CHRM3: variants seen among roughly 807,000 people sequenced by gnomAD.
The protein encoded by CHRM3 is muscarinic acetylcholine receptor M3.
Under a neutral mutation model 41.8 loss-of-function variants are expected in CHRM3, and 11 were observed. That is an observed-to-expected ratio of 0.26 (90% CI 0.17 to 0.44). The LOEUF (loss-of-function observed/expected upper bound fraction) is 0.44, where lower values mean the gene tolerates loss of function less well. CHRM3 is among the 20% of genes least tolerant of loss of function. The pLI, the probability that CHRM3 is intolerant of heterozygous loss-of-function variation, is 1.00. For missense variants in CHRM3, 571 were observed against 745.4 expected (o/e 0.77, Z 2.72); for synonymous variants, 297 against 301.4 (o/e 0.99, Z 0.15).
intron 4 of CHRM3, among the ~76,000 whole-genome samples, chr1:239,663,433 C>T (rs191758670): frequency 6.6e-6 from 1 of 152,268 alleles, no homozygotes; most frequent in East Asian, 1.9e-4. Flanking sequence ...TGAATGTTTC[C>T]TGTGACAACC....
At chr1:239,705,385 A>G (rs570205486) in intron 5 of CHRM3, 1 of 152,288 alleles carries the variant, frequency 6.6e-6, no homozygotes, top group East Asian at 1.9e-4. Context: ...TTGTTGCAAT[A>G]AAGTAGCAGA....
chr1:239,716,960 G>T (rs1056185087), intron 5 of CHRM3, among the ~76,000 whole-genome samples: 3 of 151,860 alleles, frequency 2.0e-5, no homozygotes, highest in Non-Finnish European at 4.4e-5. Flanking sequence ...ACTTGTTCCA[G>T]ATAATAGTTA....
intron 5 of CHRM3, among the ~76,000 whole-genome samples, chr1:239,738,512 T>C (rs779758903): frequency 3.9e-5 from 6 of 152,056 alleles, no homozygotes; most frequent in Non-Finnish European, 7.4e-5. Flanking sequence ...AATGGGAGAA[T>C]AGAACACATT....
intron 6 of CHRM3, among the ~76,000 whole-genome samples, chr1:239,844,444 C>A (rs77035455): frequency 6.6e-6 from 1 of 152,088 alleles, no homozygotes; most frequent in South Asian, 2.1e-4. Flanking sequence ...TGATAGCACA[C>A]CCCATCTCCA....
intron 4 of CHRM3, among the ~76,000 whole-genome samples, chr1:239,672,323 A>G (rs1175287413): frequency 2.0e-5 from 3 of 152,014 alleles, no homozygotes; most frequent in Non-Finnish European, 4.4e-5. Flanking sequence ...TCAGCAGGAG[A>G]CAAGACCTCA....
intron 6 of CHRM3, among the ~76,000 whole-genome samples, chr1:239,870,497 C>T (rs1042467202): frequency 7.2e-5 from 11 of 152,208 alleles, no homozygotes; most frequent in African/African-American, 2.7e-4. Flanking sequence ...GCAATCCAGA[C>T]ATCAAATGGA....
At chr1:239,896,610 C>G (rs145971812) in intron 6 of CHRM3, among the ~76,000 whole-genome samples, 3 of 152,268 alleles carry the variant, frequency 2.0e-5, no homozygotes, top group Non-Finnish European at 2.9e-5. Flanking sequence ...TCCTGAGAAA[C>G]ACAACTCTAC....
At chr1:239,662,893 C>CTCTTCTTCTTCT (rs67465048) in intron 4 of CHRM3, among the ~76,000 whole-genome samples, 781 of 46,392 alleles carry the variant, frequency 0.017, 35 homozygotes, top group African/African-American at 0.057. Flanking sequence ...CTTCCTCCTC[C>CTCTTCTTCTTCT]TCTTCTTCTT....
At chr1:239,635,425 T>C (rs2148890946) in intron 4 of CHRM3, among the ~76,000 whole-genome samples, 1 of 152,330 alleles carries the variant, frequency 6.6e-6, no homozygotes, top group Admixed American at 6.5e-5. Flanking sequence ...TCCCTGTCTT[T>C]ATTTATTGAA....
At chr1:239,749,163 G>A (rs747206275) in intron 5 of CHRM3, among the ~76,000 whole-genome samples, 11 of 152,178 alleles carry the variant, frequency 7.2e-5, no homozygotes, top group East Asian at 3.8e-4. Context: ...AAGACAAATC[G>A]TTATAGGTGG....
Position 239,894,652 on chromosome 1 carries a change from C to T in CHRM3, c.-19-12781C>T, listed in dbSNP as rs1178411396. Among the ~76,000 whole-genome samples the T allele has an allele frequency of 2.0e-5, 3 of 151,976 alleles. No individual in the cohort carries two copies. In the East Asian group the frequency reaches 5.8e-4, roughly 30 times the overall value. On this transcript the variant is annotated intron_variant, in intron 6 of 6. Coordinates refer to ENST00000676153, the MANE Select transcript of CHRM3 (RefSeq NM_001375978.1). ...TTCACCATGTTATCCAGGCTGGTCTCGAACTCATGCGCTCAAGTGATCAGC... is the reference window on the plus strand; with the variant it reads ...TTCACCATGTTATCCAGGCTGGTCTTGAACTCATGCGCTCAAGTGATCAGC...
At chr1:239,407,955 C>T (rs1660739899) in intron 1 of CHRM3, among the ~76,000 whole-genome samples, 1 of 152,118 alleles carries the variant, frequency 6.6e-6, no homozygotes, top group South Asian at 2.1e-4. Flanking sequence ...CAACTGAGTA[C>T]CTACAAGGTA....
intron 6 of CHRM3, among the ~76,000 whole-genome samples, chr1:239,898,823 A>G (rs10926008): frequency 0.43 from 65,155 of 151,968 alleles, 15,524 homozygotes; most frequent in African/African-American, 0.64. Flanking sequence ...TGTATTTCAC[A>G]CTGGATATTT....
chr1:239,689,705 A>G (rs948820915), intron 5 of CHRM3, among the ~76,000 whole-genome samples: 2 of 152,198 alleles, frequency 1.3e-5, no homozygotes, highest in African/African-American at 2.4e-5. Flanking sequence ...TTAGGCATTG[A>G]TGCTAACACA....
chr1:239,729,336 G>C (rs1663747678), intron 5 of CHRM3, among the ~76,000 whole-genome samples: 1 of 151,698 alleles, frequency 6.6e-6, no homozygotes, highest in African/African-American at 2.4e-5. Flanking sequence ...TTGTGATGAA[G>C]GGAAAAAAAA....
chr1:239,766,672 TATATAGATATAGATATAG>T (rs71166890), intron 5 of CHRM3, among the ~76,000 whole-genome samples: 2,892 of 145,608 alleles, frequency 0.02, 44 homozygotes, highest in African/African-American at 0.049. Flanking sequence ...TGGATATAGA[TATATAGATATAGATATAG>T]ATATAGATAT....
intron 3 of CHRM3, among the ~76,000 whole-genome samples, chr1:239,557,440 T>C (rs2148473421): frequency 6.6e-6 from 1 of 152,300 alleles, no homozygotes; most frequent in Non-Finnish European, 1.5e-5. Flanking sequence ...TCTGTGTAAA[T>C]GTCTCTCCCT....
intron 6 of CHRM3, among the ~76,000 whole-genome samples, chr1:239,832,088 G>A (rs1471989225): frequency 6.6e-6 from 1 of 152,154 alleles, no homozygotes; most frequent in African/African-American, 2.4e-5. Flanking sequence ...GAGGACAGAA[G>A]CTGTCACTGA....
chr1:239,573,320 G>A (rs1662004788), intron 3 of CHRM3, among the ~76,000 whole-genome samples: 1 of 152,164 alleles, frequency 6.6e-6, no homozygotes, highest in Non-Finnish European at 1.5e-5. Context: ...AGATGAGGAT[G>A]CTGAGTAATA....
Sources: allele counts gnomAD v4.1 joint callset (sites outside exome capture counted in the v4.1 genomes callset), GRCh38; gene constraint gnomAD v4.1.1; transcripts MANE v1.5; gene names NCBI Gene and HGNC (gene_info 2026-07-23, HGNC 2026-07-21).